CNTNAP2: variants seen among roughly 807,000 people sequenced by gnomAD.
CNTNAP2 encodes contactin-associated protein-like 2.
Under a neutral mutation model 155.2 loss-of-function variants are expected in CNTNAP2, and 98 were observed. The observed-to-expected ratio is 0.63, with a 90% confidence interval of 0.54 to 0.75. The LOEUF (loss-of-function observed/expected upper bound fraction) is 0.75. Among genes scored for constraint, CNTNAP2 ranks in the 30% least tolerant of loss-of-function variants. The pLI is 0.00. For synonymous variants in CNTNAP2, 651 were observed against 631.2 expected (o/e 1.03, Z -0.47); for missense variants, 1,727 against 1,688.1 (o/e 1.02, Z -0.40).
At chr7:146,371,628 G>A (rs1291005565) in intron 1 of CNTNAP2, among the ~76,000 whole-genome samples, 2 of 151,628 alleles carry the variant, frequency 1.3e-5, no homozygotes, top group African/African-American at 4.8e-5. Context: ...GCCTCCCAAA[G>A]GCCAGTATTA....
At chr7:146,591,857 A>G (rs1367610464) in intron 1 of CNTNAP2, among the ~76,000 whole-genome samples, 1 of 152,172 alleles carries the variant, frequency 6.6e-6, no homozygotes, top group Non-Finnish European at 1.5e-5. Flanking sequence ...TCTTTACTCA[A>G]AGATGCTCTG....
chr7:147,527,011 ATTTC>A (rs1562981275), intron 11 of CNTNAP2, among the ~76,000 whole-genome samples: 1 of 81,632 alleles, frequency 1.2e-5, no homozygotes, highest in East Asian at 3.3e-4. Context: ...GAAGACAGGC[ATTTC>A]TTTTTTTTTT....
chr7:146,911,188 A>T (rs1006178184), intron 3 of CNTNAP2, among the ~76,000 whole-genome samples: 6 of 152,034 alleles, frequency 3.9e-5, no homozygotes, highest in Admixed American at 1.3e-4. Context: ...AGAAATAGGA[A>T]CACTTTTACA....
At position 146,364,072 on chromosome 7, in the gene CNTNAP2, C is replaced by T. The variant is rs187603832; in HGVS notation, c.97+247099C>T. On this transcript the variant is annotated intron_variant, in intron 1 of 23. Coordinates refer to ENST00000361727, the MANE Select transcript of CNTNAP2 (RefSeq NM_014141.6). ...GGCGAATCATGAGTAAGATCTAATA[C>T]CGTTTGTAAGGAACCACACTCTATG... Among the ~76,000 whole-genome samples, 43 of 152,160 alleles carry T rather than the reference C, an allele frequency of 2.8e-4. No individual in the cohort carries two copies. The East Asian group carries it at 3.9e-3, about 14-fold the overall frequency.
chr7:146,472,558 A>G (rs2129126880), intron 1 of CNTNAP2, among the ~76,000 whole-genome samples: 1 of 152,298 alleles, frequency 6.6e-6, no homozygotes, highest in Non-Finnish European at 1.5e-5. Context: ...CCCAACACTT[A>G]CATAACCATA....
intron 1 of CNTNAP2, among the ~76,000 whole-genome samples, chr7:146,668,026 T>G (rs1183841144): frequency 3.3e-5 from 5 of 152,092 alleles, no homozygotes; most frequent in African/African-American, 1.2e-4. Flanking sequence ...AAGTGGTGAG[T>G]GTTAGCATCT....
intron 1 of CNTNAP2, among the ~76,000 whole-genome samples, chr7:146,515,877 T>G (rs1797533644): frequency 6.6e-6 from 1 of 152,070 alleles, no homozygotes; most frequent in African/African-American, 2.4e-5. Context: ...GACAATTCTG[T>G]TTATTGACAT....
chr7:148,202,614 G>T (rs1329043790), intron 18 of CNTNAP2, among the ~76,000 whole-genome samples: 1 of 152,188 alleles, frequency 6.6e-6, no homozygotes, highest in Non-Finnish European at 1.5e-5. Context: ...AGGGGAAAAA[G>T]CTGCTGATAC....
At chr7:147,625,639 T>C (rs557177202) in intron 12 of CNTNAP2, among the ~76,000 whole-genome samples, 1 of 152,290 alleles carries the variant, frequency 6.6e-6, no homozygotes, top group African/African-American at 2.4e-5. Flanking sequence ...AGATGGCAGA[T>C]AGGAGATAGG....
intron 2 of CNTNAP2, among the ~76,000 whole-genome samples, chr7:146,830,921 T>C (rs976604518): frequency 1.3e-5 from 2 of 152,334 alleles, no homozygotes; most frequent in Middle Eastern, 3.4e-3. Context: ...TCAACGTATT[T>C]GGGGCACGAT....
At chr7:147,122,173 C>CA (rs200733320) in intron 6 of CNTNAP2, 473 of 147,228 alleles carry the variant, frequency 3.2e-3, no homozygotes, top group African/African-American at 8.0e-3. Context: ...AAAACTGCCT[C>CA]AAAAAAAACA....
chr7:147,400,559 C>T (rs189265927), intron 10 of CNTNAP2, among the ~76,000 whole-genome samples: 42 of 152,216 alleles, frequency 2.8e-4, no homozygotes, highest in African/African-American at 1.0e-3. Flanking sequence ...GTCCATTTTG[C>T]AACTGTGGTT....
At chr7:147,711,176 C>A (rs1796395836) in intron 13 of CNTNAP2, among the ~76,000 whole-genome samples, 1 of 152,142 alleles carries the variant, frequency 6.6e-6, no homozygotes, top group South Asian at 2.1e-4. Context: ...ACCTAACTTA[C>A]AATTAAGACT....
chr7:146,754,696 T>G (rs2129183030), intron 1 of CNTNAP2, among the ~76,000 whole-genome samples: 1 of 151,924 alleles, frequency 6.6e-6, no homozygotes, highest in Non-Finnish European at 1.5e-5. Flanking sequence ...TTCAGAATTC[T>G]TGGGTAAAAA....
intron 1 of CNTNAP2, among the ~76,000 whole-genome samples, chr7:146,683,932 A>G (rs1249965848): frequency 6.6e-6 from 1 of 152,198 alleles, no homozygotes; most frequent in African/African-American, 2.4e-5. Context: ...CCATCCTGTA[A>G]ATAGTCATAG....
chr7:146,805,848 C>T (rs1802957723), intron 2 of CNTNAP2, among the ~76,000 whole-genome samples: 1 of 152,130 alleles, frequency 6.6e-6, no homozygotes, highest in Admixed American at 6.5e-5. Flanking sequence ...CAGAGACTAG[C>T]CAGGCAGCAA....
At chr7:148,143,879 T>C (rs1482786482) in intron 16 of CNTNAP2, among the ~76,000 whole-genome samples, 2 of 152,120 alleles carry the variant, frequency 1.3e-5, no homozygotes, top group Non-Finnish European at 2.9e-5. Flanking sequence ...ACTCCACTCA[T>C]GTTTCATTGG....
At chr7:146,161,823 A>T (rs567471323) in intron 1 of CNTNAP2, among the ~76,000 whole-genome samples, 1 of 152,274 alleles carries the variant, frequency 6.6e-6, no homozygotes, top group Admixed American at 6.5e-5. Context: ...GATATAGACC[A>T]ATGGAACACA....
intron 1 of CNTNAP2, among the ~76,000 whole-genome samples, chr7:146,164,166 C>T (rs115012999): frequency 0.01 from 1,584 of 152,080 alleles, 35 homozygotes; most frequent in African/African-American, 0.037. Context: ...AGGTGTATAC[C>T]TTGAATAACT....
Sources: gnomAD v4.1 joint callset for allele counts (sites outside exome capture counted in the v4.1 genomes callset) on GRCh38, gnomAD v4.1.1 for gene constraint, MANE v1.5 for transcripts, NCBI Gene and HGNC (gene_info 2026-07-23, HGNC 2026-07-21) for gene names.